KMT5C: variants seen among roughly 807,000 people sequenced by gnomAD.
KMT5C encodes histone-lysine N-methyltransferase KMT5C.
KMT5C carries 16 observed loss-of-function variants against 38.2 expected under a neutral mutation model. The observed-to-expected ratio is 0.42, with a 90% confidence interval of 0.28 to 0.64. The LOEUF (loss-of-function observed/expected upper bound fraction) is 0.64. KMT5C is among the 30% of genes least tolerant of loss of function. KMT5C has a pLI of 0.23. For missense variants in KMT5C, 598 were observed against 665.1 expected (o/e 0.90, Z 1.11); for synonymous variants, 291 against 279.0 (o/e 1.04, Z -0.43).
chr19:55,342,631 G>A (rs1176006170), intron 3 of KMT5C, 111 bp from the exon 4 acceptor site: 1 of 696,276 alleles, frequency 1.4e-6, no homozygotes, highest in Non-Finnish European at 2.6e-6. Flanking sequence ...GGAACATGAG[G>A]CCCCCAAGAC....
At chr19:55,346,373 G>A (rs1274200530) in intron 7 of KMT5C, 24 bp downstream of exon 7, 3 of 1,613,756 alleles carry the variant, frequency 1.9e-6, no homozygotes, top group Non-Finnish European at 2.5e-6. Context: ...AGAGGCGGCT[G>A]GGTTCGGGTC....
intron 8 of KMT5C, 22 bp downstream of exon 8, chr19:55,346,709 C>A: frequency 6.6e-7 from 1 of 1,511,400 alleles, no homozygotes; most frequent in Non-Finnish European, 8.9e-7. Flanking sequence ...TCCCTGCCAT[C>A]CCAGCAGCCC....
chr19:55,345,050 G>T (rs146949261), intron 6 of KMT5C: 4 of 456,024 alleles, frequency 8.8e-6, no homozygotes, highest in South Asian at 1.5e-5. Context: ...CAGACGCTGG[G>T]GGGGATGGAA....
chr19:55,341,851 G>C lies in KMT5C; in HGVS notation c.-86G>C. The C allele has an allele frequency of 9.9e-7, 1 of 1,005,280 alleles. No individual in the cohort carries two copies. Among genetic ancestry groups the C allele is most frequent in the Non-Finnish European group, 1.6e-6 (1 of 637,288 alleles). 62.3% of individuals were successfully genotyped at this position (1,005,280 alleles called of 1,614,324 possible). On this transcript the variant is annotated 5_prime_UTR_variant, in exon 2 of 9. Transcript: ENST00000255613. ...GGCTTCTGAGTAGCGTGGGAGTGGA[G>C]TCAGCACCAAGCCAGGCTCCCCGCG...
In KMT5C at chr19:55,346,639, C is replaced by T; in HGVS notation, c.847C>T (p.Pro283Ser). ...DSGSRQGLLG[P>S]RACVHPSPLR... is the part of the protein sequence containing the mutation. ...TGGCAGCCGACAGGGCCTGCTGGGC[C>T]CTCGGGCCTGCGTGCACCCATCCCC... Residue 283 changes from proline (P) to serine (S), a missense_variant, in exon 8 of 9, where the codon CCT (proline) becomes TCT (serine). By Grantham distance (74) the Pro-to-Ser change is moderately conservative. This residue lies in a region of KMT5C where 326 missense variants were observed against 298.1 expected (regional missense o/e 1.09). Transcript: ENST00000255613. The T allele has an allele frequency of 6.4e-7, 1 of 1,574,728 alleles. No individual in the cohort carries two copies. Among genetic ancestry groups the T allele is most frequent in the Non-Finnish European group, 8.6e-7 (1 of 1,161,068 alleles).
intron 6 of KMT5C, chr19:55,345,028 T>C (rs1366458501): frequency 1.3e-5 from 6 of 456,192 alleles, no homozygotes; most frequent in Non-Finnish European, 2.6e-5. Flanking sequence ...GGCCCTGGTC[T>C]GACACCACAC....
rs2089639210 is a variant in KMT5C, at chr19:55,347,787, G to A, written c.*338G>A. On this transcript the variant is annotated 3_prime_UTR_variant, in exon 9 of 9. Coordinates refer to ENST00000255613, the MANE Select transcript of KMT5C (RefSeq NM_032701.4). The surrounding 1 kb of genome is among the most constrained non-coding windows in gnomAD (Gnocchi z 4.6). The stretch of plus-strand genomic sequence containing the variant: ...CCATAAGGGGCAGGGGCCACCCCAC[G>A]GCATCTCCCCAGAAGTACAGGCCTC... The A allele has an allele frequency of 3.2e-6, 1 of 314,606 alleles. No homozygotes were observed. The highest frequency in any genetic ancestry group is 5.8e-6 in the Non-Finnish European group (1 of 172,124). The allele number at this position is 314,606 out of a possible 1,614,324, so 19.5% of individuals were successfully genotyped here.
chr19:55,345,588 C>G (rs2123198319), intron 6 of KMT5C, among the ~76,000 whole-genome samples: 1 of 152,222 alleles, frequency 6.6e-6, no homozygotes, highest in Admixed American at 6.5e-5. Flanking sequence ...TACTCCCAGG[C>G]AAATGTCAGG....
At chr19:55,339,990 C>T (rs2089538384) in intron 1 of KMT5C, 33 bp downstream of exon 1, 2 of 152,310 alleles carry the variant, frequency 1.3e-5, no homozygotes, top group Non-Finnish European at 2.9e-5. Flanking sequence ...ATCTCTGAGC[C>T]CCTTCACGGC....
chr19:55,342,028 C>G lies in KMT5C; in HGVS notation c.92C>G (p.Thr31Ser). Residue 31 changes from threonine (T) to serine (S), a missense_variant, in exon 2 of 9, where the codon ACC (threonine) becomes AGC (serine). Thr to Ser is a moderately conservative substitution (Grantham distance 58). Transcript: ENST00000255613. ...LVLDPYLGFR[T>S]HKMNVSPVPP... The stretch of plus-strand genomic sequence containing the variant: ...CTGGACCCCTACCTCGGTTTCCGCA[C>G]CCATAAGATGAACGTCAGGTGAGGT... The G allele has an allele frequency of 6.2e-7, 1 of 1,613,482 alleles. No homozygotes were observed. The highest frequency in any genetic ancestry group is 1.1e-5 in the South Asian group (1 of 91,088).
At chr19:55,345,756 G>A (rs2089609472) in intron 6 of KMT5C, among the ~76,000 whole-genome samples, 1 of 152,178 alleles carries the variant, frequency 6.6e-6, no homozygotes, top group Admixed American at 6.5e-5. Flanking sequence ...AGCACACACA[G>A]ATTGGGCTGT....
Position 55,341,892 on chromosome 19 carries a change from C to G in KMT5C, c.-45C>G. On this transcript the variant is annotated 5_prime_UTR_variant, in exon 2 of 9. Transcript: ENST00000255613. ...GCTCCCCGCGCCTGCCTTGCCCTCA[C>G]CTGCTCCTGCTCTCTGCCAGAGGCA... The G allele has an allele frequency of 6.5e-7, 1 of 1,529,976 alleles. No homozygotes were observed. Among genetic ancestry groups the G allele is most frequent in the Non-Finnish European group, 9.1e-7 (1 of 1,104,748 alleles). 94.8% of individuals were successfully genotyped at this position (1,529,976 alleles called of 1,614,324 possible).
At position 55,342,057 on chromosome 19, in the gene KMT5C, C is replaced by CTGGGGGCGAGGG; in HGVS notation, c.110+16_110+27dup. On this transcript the variant is annotated intron_variant, in intron 2 of 8. Coordinates refer to ENST00000255613, the MANE Select transcript of KMT5C (RefSeq NM_032701.4). ...TAAGATGAACGTCAGGTGAGGTGGC[C>CTGGGGGCGAGGG]TGGGGGCGAGGGTGGGCCCGAGGGG... 6.2e-7 allele frequency: 1 copy of CTGGGGGCGAGGG among 1,608,748 alleles called. No individual in the cohort carries two copies. Among genetic ancestry groups the CTGGGGGCGAGGG allele is most frequent in the South Asian group, 1.1e-5 (1 of 90,988 alleles).
At chr19:55,342,942 G>T (rs533513541) in intron 4 of KMT5C, 91 bp downstream of exon 4, 1 of 829,932 alleles carries the variant, frequency 1.2e-6, no homozygotes, top group South Asian at 1.4e-5. Context: ...CTGGCCAACC[G>T]GGGAAAAGCG....
rs551650123 is a variant in KMT5C at position 55,343,062 on chromosome 19, G to A, written c.386+211G>A. ...AGGAGACCCCGGATGTGACCCCAGG[G>A]TTCCTGGGGCTTCCAGGAAAGAACT... On this transcript the variant is annotated intron_variant, in intron 4 of 8. Transcript: ENST00000255613. This position sits in a 1 kb window ranked among gnomAD's most constrained non-coding sequence, Gnocchi z 5.5. The A allele has an allele frequency of 1.5e-5, 8 of 549,610 alleles. No homozygotes were observed. The highest frequency in any genetic ancestry group is 1.4e-4 in the South Asian group (7 of 48,612). The allele number at this position is 549,610 out of a possible 1,614,324, so 34.0% of individuals were successfully genotyped here.
chr19:55,340,150 T>C (rs2089540761), intron 1 of KMT5C, among the ~76,000 whole-genome samples, 193 bp downstream of exon 1: 1 of 151,690 alleles, frequency 6.6e-6, no homozygotes, highest in African/African-American at 2.4e-5. Flanking sequence ...TTCCTGTGCT[T>C]CCTCACCCGG....
In KMT5C at chr19:55,343,828, G is replaced by A. The variant is rs993179965; in HGVS notation, c.535G>A (p.Ala179Thr). 10 of 1,613,576 alleles carry A rather than the reference G, an allele frequency of 6.2e-6. No homozygotes were observed. The highest frequency in any genetic ancestry group is 1.7e-5 in the Admixed American group (1 of 59,988). ...RSAQLWLGPA[A>T]FINHDCKPNC... ...TGCTCAGCTGTGGCTGGGCCCAGCC[G>A]CCTTCATCAACCATGGTGAGGGTCA... The change falls in exon 5 of 9, where the codon GCC (alanine) becomes ACC (threonine). Residue 179 changes from alanine to threonine, a missense_variant. Ala to Thr is a moderately conservative substitution (Grantham distance 58). This residue lies in a region of KMT5C where 105 missense variants were observed against 179.2 expected (regional missense o/e 0.59). Transcript: ENST00000255613. This position sits in a 1 kb window ranked among gnomAD's most constrained non-coding sequence, Gnocchi z 5.5.
In KMT5C at chr19:55,342,729, T is replaced by G; in HGVS notation, c.277-13T>G. The stretch of plus-strand genomic sequence containing the variant: ...CTGCCCCGCCTCCTCACCCCCACCC[T>G]CACCCTCACCAGGTCTATCGCTACC... On this transcript the variant is annotated splice_polypyrimidine_tract_variant and intron_variant, in intron 3 of 8. Coordinates refer to ENST00000255613, the MANE Select transcript of KMT5C (RefSeq NM_032701.4). 8.1e-7 allele frequency: 1 copy of G among 1,228,502 alleles called. No homozygotes were observed. The highest frequency in any genetic ancestry group is 1.2e-6 in the Non-Finnish European group (1 of 839,664). 76.1% of individuals were successfully genotyped at this position (1,228,502 alleles called of 1,614,324 possible).
rs549562262 is a variant in KMT5C at position 55,346,825 on chromosome 19, A to T, written c.896-131A>T. 1.2e-4 allele frequency: 72 copies of T among 616,610 alleles called. No homozygotes were observed. The East Asian group carries it at 3.6e-3, about 31-fold the overall frequency. The allele number at this position is 616,610 out of a possible 1,614,324, so 38.2% of individuals were successfully genotyped here. A position where few individuals can be genotyped will look rare whatever the true frequency, so the allele number is the denominator to read the frequency against. ...TCGCTGGCAGGCCTCGCTGTTGAGC[A>T]GTTCGGCCGCATCATTCCTCTGGGG... On this transcript the variant is annotated intron_variant, in intron 8 of 8. Transcript: ENST00000255613.
Sources: allele counts gnomAD v4.1 joint callset (sites outside exome capture counted in the v4.1 genomes callset), GRCh38; gene constraint gnomAD v4.1.1; regional missense constraint gnomAD v4.1.1; non-coding constraint Gnocchi (gnomAD v3.1); transcripts MANE v1.5; gene names NCBI Gene and HGNC (gene_info 2026-07-23, HGNC 2026-07-21).